Variants in VDR observed in about 807,000 individuals in gnomAD.
VDR encodes the protein vitamin D3 receptor.
In VDR, 19 loss-of-function variants were observed where a neutral mutation model predicts 39.7. The ratio of observed to expected loss-of-function variants is 0.48; its 90% CI spans 0.33 to 0.70. VDR has a LOEUF of 0.70. Ranked by LOEUF, VDR falls within the 30% of genes least tolerant of loss-of-function variation. The pLI is 0.02. For synonymous variants in VDR, 242 were observed against 215.8 expected, an observed-to-expected ratio of 1.12 and a Z score of -1.07; for missense variants, 442 against 570.5, an observed-to-expected ratio of 0.77 and a Z score of 2.29.
chr12:47,843,009 T>TTCCC lies in VDR; in HGVS notation c.*1736_*1737insGGGA, dbSNP rs1945201884. 6.6e-6 allele frequency: 1 copy of TTCCC among 152,074 alleles called. No homozygotes were observed. The highest frequency in any genetic ancestry group is 1.5e-5 in the Non-Finnish European group (1 of 68,004). 9.4% of individuals were successfully genotyped at this position (152,074 alleles called of 1,614,324 possible). On this transcript the variant is annotated 3_prime_UTR_variant, in exon 10 of 10. Coordinates refer to ENST00000549336, the MANE Select transcript of VDR (RefSeq NM_000376.3). ...TACAGAAGTTTCACAATGTAAGTTC[T>TTCCC]CCCCCCATAAATATCTCCAAATCAG...
At chr12:47,887,293 G>C (rs1477406161) in intron 1 of VDR, among the ~76,000 whole-genome samples, 1 of 137,554 alleles carries the variant, frequency 7.3e-6, no homozygotes, top group Non-Finnish European at 1.5e-5. Context: ...TTGTACTCCA[G>C]CCTGGGCGAC....
intron 1 of VDR, chr12:47,898,270 G>A (rs1946498328): frequency 6.6e-6 from 1 of 152,198 alleles, no homozygotes; most frequent in African/African-American, 2.4e-5. Context: ...GGGTCCCTAG[G>A]TCATGAATAA....
chr12:47,889,981 G>GT (rs969988747), intron 1 of VDR, among the ~76,000 whole-genome samples: 82 of 148,862 alleles, frequency 5.5e-4, no homozygotes, highest in East Asian at 5.1e-3. Context: ...ACGGTTTTTT[G>GT]TTTTTTTTTT....
chr12:47,847,770 T>C (rs1373023402), intron 7 of VDR, among the ~76,000 whole-genome samples: 10 of 152,130 alleles, frequency 6.6e-5, no homozygotes, highest in Admixed American at 6.5e-4. Context: ...AGAGACAGTG[T>C]CCTGTTCTGT....
chr12:47,893,899 T>C (rs1474473654), intron 1 of VDR, among the ~76,000 whole-genome samples: 1 of 152,220 alleles, frequency 6.6e-6, no homozygotes, highest in Non-Finnish European at 1.5e-5. Context: ...GACACAAGCC[T>C]TGCCTTACCC....
At chr12:47,850,308 T>C (rs1388113103) in intron 7 of VDR, among the ~76,000 whole-genome samples, 1 of 152,248 alleles carries the variant, frequency 6.6e-6, no homozygotes, top group African/African-American at 2.4e-5. Context: ...GGTTGCATGA[T>C]GTTACATCAT....
At chr12:47,889,070 A>G (rs1364891969) in intron 1 of VDR, among the ~76,000 whole-genome samples, 1 of 152,132 alleles carries the variant, frequency 6.6e-6, no homozygotes, top group African/African-American at 2.4e-5. Context: ...AAAAAATTCT[A>G]AGAAAGTCAA....
At chr12:47,853,145 C>CT (rs1945418481) in intron 7 of VDR, among the ~76,000 whole-genome samples, 1 of 152,188 alleles carries the variant, frequency 6.6e-6, no homozygotes, top group South Asian at 2.1e-4. Context: ...TGTCAATACT[C>CT]TATTGTTTTA....
intron 4 of VDR, among the ~76,000 whole-genome samples, chr12:47,860,801 C>A (rs1297916694): frequency 1.3e-5 from 2 of 152,154 alleles, no homozygotes; most frequent in Admixed American, 1.3e-4. Flanking sequence ...GTGCCTTTCT[C>A]CCCCTTAAGA....
intron 1 of VDR, among the ~76,000 whole-genome samples, chr12:47,886,455 T>C (rs1425743573): frequency 6.6e-6 from 1 of 152,218 alleles, no homozygotes; most frequent in Non-Finnish European, 1.5e-5. Context: ...CCATTTTCTT[T>C]GTCCAGAACA....
At chr12:47,887,025 G>A (rs1340796540) in intron 1 of VDR, among the ~76,000 whole-genome samples, 3 of 152,096 alleles carry the variant, frequency 2.0e-5, no homozygotes, top group Middle Eastern at 3.2e-3. Flanking sequence ...AGAAAAAGGA[G>A]CCCTGGCCGG....
chr12:47,882,626 C>CCAAG, intron 2 of VDR, 68 bp downstream of exon 2: 1 of 569,052 alleles, frequency 1.8e-6, no homozygotes, highest in Non-Finnish European at 3.1e-6. Flanking sequence ...TTCTTATGCC[C>CCAAG]CTCCCCCCCA....
intron 7 of VDR, among the ~76,000 whole-genome samples, chr12:47,848,220 G>A (rs1183871031): frequency 2.0e-5 from 3 of 151,974 alleles, no homozygotes; most frequent in African/African-American, 7.3e-5. Context: ...TTGTAGGGAT[G>A]GTGTCTCACT....
chr12:47,868,954 C>T (rs1565620777), intron 3 of VDR, among the ~76,000 whole-genome samples: 1 of 152,134 alleles, frequency 6.6e-6, no homozygotes, highest in Admixed American at 6.5e-5. Context: ...TGAGCCAAAG[C>T]CTCTCACCAG....
At chr12:47,849,427 A>G (rs868761123) in intron 7 of VDR, among the ~76,000 whole-genome samples, 4 of 152,238 alleles carry the variant, frequency 2.6e-5, no homozygotes, top group Non-Finnish European at 5.9e-5. Flanking sequence ...TGGGGTTGTT[A>G]GCGCCGAGAT....
intron 1 of VDR, among the ~76,000 whole-genome samples, chr12:47,887,788 C>G (rs770047966): frequency 6.6e-6 from 1 of 152,238 alleles, no homozygotes; most frequent in Non-Finnish European, 1.5e-5. Context: ...CTCTAAGAAC[C>G]TCTAAGAACA....
chr12:47,856,367 G>A (rs1264253619), intron 6 of VDR, among the ~76,000 whole-genome samples: 1 of 152,088 alleles, frequency 6.6e-6, no homozygotes, highest in Admixed American at 6.6e-5. Context: ...TTCATTGTAA[G>A]GGAAAATTTC....
In VDR at chr12:47,845,023, GAGAAGA is replaced by G. The variant is rs752790404; in HGVS notation, c.1025-24_1025-19del. 12 of 1,609,016 alleles carry G rather than the reference GAGAAGA, an allele frequency of 7.5e-6. No individual in the cohort carries two copies. The African/African-American group carries it at 1.6e-4, about 22-fold the overall frequency. On this transcript the variant is annotated intron_variant, in intron 9 of 9. Coordinates refer to ENST00000549336, the MANE Select transcript of VDR (RefSeq NM_000376.3). Reference sequence around the variant, plus strand: ...AGGACGATCTGTGGGCACGGGGATAGAGAAGAAGGCACAGGAGCTCTCAGCTGGGCC... The same window carrying G: ...AGGACGATCTGTGGGCACGGGGATAGAGGCACAGGAGCTCTCAGCTGGGCC...
chr12:47,855,252 C>T (rs937184803), intron 7 of VDR, among the ~76,000 whole-genome samples: 3 of 151,782 alleles, frequency 2.0e-5, no homozygotes, highest in African/African-American at 4.8e-5. Context: ...CACTTGAACC[C>T]GGGAGGCGGA....
Sources: allele counts gnomAD v4.1 joint callset (sites outside exome capture counted in the v4.1 genomes callset), GRCh38; gene constraint gnomAD v4.1.1; transcripts MANE v1.5; gene names NCBI Gene and HGNC (gene_info 2026-07-23, HGNC 2026-07-21).